RALYL: variants seen among roughly 807,000 people sequenced by gnomAD.
The protein encoded by RALYL is RNA-binding Raly-like protein.
In RALYL, 29 loss-of-function variants were observed where a neutral mutation model predicts 35.1. The observed-to-expected ratio is 0.83, with a 90% confidence interval of 0.61 to 1.13. RALYL has a LOEUF of 1.13. Among genes scored for constraint, RALYL ranks in the 50% most tolerant of loss-of-function variants. RALYL has a pLI of 0.00. For synonymous variants in RALYL, 120 were observed against 127.6 expected, an observed-to-expected ratio of 0.94 and a Z score of 0.40; for missense variants, 359 against 360.4, an observed-to-expected ratio of 1.00 and a Z score of 0.03.
At chr8:84,722,183 A>G (rs2132653810) in intron 2 of RALYL, among the ~76,000 whole-genome samples, 2 of 152,210 alleles carry the variant, frequency 1.3e-5, no homozygotes, top group Middle Eastern at 6.8e-3. Flanking sequence ...CTCTGAAAGG[A>G]CCTCTAGATT....
At chr8:84,671,867 T>G (rs557056309) in intron 2 of RALYL, among the ~76,000 whole-genome samples, 1 of 152,330 alleles carries the variant, frequency 6.6e-6, no homozygotes, top group East Asian at 1.9e-4. Context: ...CATTTACTCC[T>G]CATTACTATG....
At chr8:84,799,433 A>T (rs1218620572) in intron 3 of RALYL, among the ~76,000 whole-genome samples, 1 of 152,220 alleles carries the variant, frequency 6.6e-6, no homozygotes, top group African/African-American at 2.4e-5. Context: ...CTGAAGAAGG[A>T]AGGTCATTGA....
At chr8:84,343,938 T>G (rs1470419053) in intron 1 of RALYL, among the ~76,000 whole-genome samples, 14 of 151,902 alleles carry the variant, frequency 9.2e-5, no homozygotes, top group Admixed American at 9.2e-4. Flanking sequence ...TATATAAAAG[T>G]TTAAAGATAA....
At chr8:84,730,216 A>T (rs1589240135) in intron 2 of RALYL, among the ~76,000 whole-genome samples, 1 of 152,204 alleles carries the variant, frequency 6.6e-6, no homozygotes, top group African/African-American at 2.4e-5. Flanking sequence ...CCTGGGATGC[A>T]AGGCTGGTTC....
intron 2 of RALYL, among the ~76,000 whole-genome samples, chr8:84,616,468 G>A (rs1437527160): frequency 6.7e-6 from 1 of 149,424 alleles, no homozygotes; most frequent in Non-Finnish European, 1.5e-5. Context: ...ATTTGTTTGA[G>A]TTCATTGTAG....
intron 2 of RALYL, among the ~76,000 whole-genome samples, chr8:84,647,945 G>C (rs1310460818): frequency 1.3e-5 from 2 of 152,094 alleles, no homozygotes; most frequent in Admixed American, 6.6e-5. Flanking sequence ...GTAATTTGGG[G>C]AAGGATTACA....
chr8:84,367,821 T>G (rs1854800227), intron 1 of RALYL, among the ~76,000 whole-genome samples: 1 of 152,184 alleles, frequency 6.6e-6, no homozygotes, highest in Admixed American at 6.6e-5. Context: ...AGCAAATAAG[T>G]AATATTAAAA....
rs1397698488 is a variant in RALYL, at chr8:84,773,807, G to A, written c.257-772G>A. On this transcript the variant is annotated intron_variant, in intron 2 of 8. Transcript: ENST00000521268. ...TATATAAATGGAAAATATATCATAG[G>A]AAATTTAATAAGTCCTCCTATGAAC... 2.6e-5 allele frequency among the ~76,000 whole-genome samples: 4 copies of A among 152,150 alleles called. No homozygotes were observed. In the South Asian group the frequency reaches 8.3e-4, roughly 31 times the overall value.
chr8:84,200,475 G>A (rs1308659668), intron 1 of RALYL, among the ~76,000 whole-genome samples: 1 of 152,082 alleles, frequency 6.6e-6, no homozygotes, highest in Non-Finnish European at 1.5e-5. Context: ...AAAAGGAAGT[G>A]TCCTAAGACT....
chr8:84,502,633 G>A (rs548397871), intron 1 of RALYL, among the ~76,000 whole-genome samples: 39 of 152,114 alleles, frequency 2.6e-4, no homozygotes, highest in African/African-American at 9.4e-4. Flanking sequence ...TATTTGTCTT[G>A]AGGTTATTTT....
chr8:84,834,513 G>T (rs372900851), intron 4 of RALYL, among the ~76,000 whole-genome samples: 13 of 152,260 alleles, frequency 8.5e-5, no homozygotes, highest in South Asian at 4.2e-4. Context: ...TGGTAGCTGT[G>T]CCAGAGAATA....
chr8:84,495,672 C>T lies in RALYL; in HGVS notation c.-23-33627C>T, dbSNP rs79273013. On this transcript the variant is annotated intron_variant, in intron 1 of 8. Coordinates refer to ENST00000521268, the MANE Select transcript of RALYL (RefSeq NM_173848.7). ...TCATTGACCTTTCATTTTTGTTTAC[C>T]TTTACTCTGAAAACTTTGGGTACTC... Among the ~76,000 whole-genome samples the T allele has an allele frequency of 5.7e-3, 860 of 151,956 alleles. 11 individuals carry two copies. Among genetic ancestry groups the T allele is most frequent in the African/African-American group, 0.019 (793 of 41,498 alleles).
chr8:84,656,146 C>G (rs186372525), intron 2 of RALYL, among the ~76,000 whole-genome samples: 1 of 152,060 alleles, frequency 6.6e-6, no homozygotes, highest in Non-Finnish European at 1.5e-5. Context: ...GACATATTTG[C>G]AGTATAACTG....
At chr8:84,194,228 C>T (rs575885696) in intron 1 of RALYL, among the ~76,000 whole-genome samples, 12 of 152,022 alleles carry the variant, frequency 7.9e-5, no homozygotes, top group Admixed American at 2.6e-4. Flanking sequence ...ATTTTGAAAA[C>T]GTGATTTAAA....
chr8:84,204,298 C>T (rs1817584848), intron 1 of RALYL, among the ~76,000 whole-genome samples: 1 of 151,282 alleles, frequency 6.6e-6, no homozygotes, highest in Non-Finnish European at 1.5e-5. Context: ...ATCTTTTTAT[C>T]ATTGGATTAA....
At chr8:84,596,667 CTG>C (rs1814611463) in intron 2 of RALYL, among the ~76,000 whole-genome samples, 2 of 152,072 alleles carry the variant, frequency 1.3e-5, no homozygotes, top group African/African-American at 4.8e-5. Flanking sequence ...TTCTCAGTGT[CTG>C]TGGTTTGTCT....
chr8:84,603,928 T>TTTTG (rs543791267), intron 2 of RALYL, among the ~76,000 whole-genome samples: 34 of 151,884 alleles, frequency 2.2e-4, no homozygotes, highest in Middle Eastern at 3.4e-3. Flanking sequence ...ATCAGGTTTT[T>TTTTG]TTTGTTTGTT....
At chr8:84,476,254 A>G (rs778096114) in intron 1 of RALYL, among the ~76,000 whole-genome samples, 9 of 152,152 alleles carry the variant, frequency 5.9e-5, no homozygotes, top group Admixed American at 2.6e-4. Flanking sequence ...CATATATCCA[A>G]TTCATTATAT....
rs777174829 is a variant in RALYL, at chr8:84,716,959, C to T, written c.257-57620C>T. Among the ~76,000 whole-genome samples, 28 of 152,060 alleles carry T rather than the reference C, an allele frequency of 1.8e-4. 1 individual carries two copies. The highest frequency in any genetic ancestry group is 3.4e-4 in the Non-Finnish European group (23 of 67,952). On this transcript the variant is annotated intron_variant, in intron 2 of 8. Coordinates refer to ENST00000521268, the MANE Select transcript of RALYL (RefSeq NM_173848.7). The stretch of plus-strand genomic sequence containing the variant: ...ATAGATATGCTTTGGGAGGCCAAGG[C>T]GGGCAGATCACGAGATCAGAAGTTT...
Sources: gnomAD v4.1 joint callset for allele counts (sites outside exome capture counted in the v4.1 genomes callset) on GRCh38, gnomAD v4.1.1 for gene constraint, MANE v1.5 for transcripts, NCBI Gene and HGNC (gene_info 2026-07-23, HGNC 2026-07-21) for gene names.